CCNC: variants seen among roughly 807,000 people sequenced by gnomAD.
CCNC encodes the protein cyclin C, also known as cyclin-C.
CCNC carries 19 observed loss-of-function variants against 50.0 expected under a neutral mutation model. That is an observed-to-expected ratio of 0.38 (90% CI 0.27 to 0.56). CCNC has a LOEUF of 0.56. Ranked by LOEUF, CCNC falls within the 20% of genes least tolerant of loss-of-function variation. CCNC has a pLI of 0.72. For missense variants in CCNC, 200 were observed against 327.1 expected, an observed-to-expected ratio of 0.61 and a Z score of 3.00; for synonymous variants, 93 against 103.7, an observed-to-expected ratio of 0.90 and a Z score of 0.63.
chr6:99,547,920 A>G (rs190511738), intron 9 of CCNC, among the ~76,000 whole-genome samples: 74 of 152,272 alleles, frequency 4.9e-4, no homozygotes, highest in Non-Finnish European at 8.8e-4. Context: ...ATGTACTGGT[A>G]AACAACTACA....
At chr6:99,547,520 G>A (rs934452655) in intron 9 of CCNC, among the ~76,000 whole-genome samples, 15 of 152,060 alleles carry the variant, frequency 9.9e-5, no homozygotes, top group African/African-American at 3.6e-4. Context: ...GAAGAGAATA[G>A]TATGTATATC....
Position 99,567,663 on chromosome 6 carries a change from C to A in CCNC, c.32+833G>T, listed in dbSNP as rs1188436625. 3.3e-5 allele frequency among the ~76,000 whole-genome samples: 5 copies of A among 152,158 alleles called. No individual in the cohort carries two copies. In the South Asian group the frequency reaches 8.3e-4, roughly 25 times the overall value. On this transcript the variant is annotated intron_variant, in intron 1 of 11. Transcript: ENST00000520429. ...TAGCATAAAAAATTATACCAAGATA[C>A]CTTGTCAAATTCTGTTCATCTTTCA...
rs187279427 is a variant in CCNC, at chr6:99,556,956, G to A, written c.346+1541C>T. ...CTTTCATTACTGTCAATAGAACAAAGTGCAGATTCCTTCATTTAGCATCGA... is the reference window on the plus strand; with the variant it reads ...CTTTCATTACTGTCAATAGAACAAAATGCAGATTCCTTCATTTAGCATCGA... On this transcript the variant is annotated intron_variant, in intron 5 of 11. Coordinates refer to ENST00000520429, the MANE Select transcript of CCNC (RefSeq NM_005190.4). Among the ~76,000 whole-genome samples, 346 of 152,328 alleles carry A rather than the reference G, an allele frequency of 2.3e-3. 2 individuals carry two copies. Among genetic ancestry groups the A allele is most frequent in the Admixed American group, 6.7e-3 (102 of 15,298 alleles).
chr6:99,568,488 T>C lies in CCNC; in HGVS notation c.32+8A>G. ...CGGCCCCAGGTGAGAAGACGGAAGA[T>C]CGCTTACTAGTGGGAGCTCTGCCAA... On this transcript the variant is annotated splice_region_variant and intron_variant, in intron 1 of 11. Coordinates refer to ENST00000520429, the MANE Select transcript of CCNC (RefSeq NM_005190.4). The C allele has an allele frequency of 1.2e-6, 2 of 1,612,176 alleles. No individual in the cohort carries two copies. The highest frequency in any genetic ancestry group is 1.7e-6 in the Non-Finnish European group (2 of 1,179,082).
chr6:99,552,415 A>G (rs942696348), intron 5 of CCNC, among the ~76,000 whole-genome samples: 3 of 152,188 alleles, frequency 2.0e-5, no homozygotes, highest in Non-Finnish European at 4.4e-5. Flanking sequence ...GTATTTATCA[A>G]AATATATATT....
intron 11 of CCNC, chr6:99,544,061 CAT>C: frequency 8.0e-7 from 1 of 1,246,380 alleles, no homozygotes; most frequent in Middle Eastern, 2.5e-4. Flanking sequence ...ATAATAAAAT[CAT>C]ATATAAATAC....
chr6:99,553,341 G>T (rs1002444310), intron 5 of CCNC, among the ~76,000 whole-genome samples: 2 of 152,080 alleles, frequency 1.3e-5, no homozygotes, highest in Non-Finnish European at 2.9e-5. Flanking sequence ...AATTATCTCT[G>T]TATATAAAAC....
chr6:99,543,617 A>C lies in CCNC; in HGVS notation c.798-8T>G. On this transcript the variant is annotated splice_region_variant and splice_polypyrimidine_tract_variant and intron_variant, in intron 11 of 11. Coordinates refer to ENST00000520429, the MANE Select transcript of CCNC (RefSeq NM_005190.4). ...GGACCCTGCTCTCCTTCACTGTTCAAATGGGGAAGAAAGAGATTTTATACC... is the reference window on the plus strand; with the variant it reads ...GGACCCTGCTCTCCTTCACTGTTCACATGGGGAAGAAAGAGATTTTATACC... The C allele has an allele frequency of 1.2e-6, 2 of 1,612,926 alleles. No individual in the cohort carries two copies. The highest frequency in any genetic ancestry group is 1.7e-6 in the Non-Finnish European group (2 of 1,179,312).
At chr6:99,568,382 G>T in intron 1 of CCNC, 114 bp downstream of exon 1, 1 of 1,030,790 alleles carries the variant, frequency 9.7e-7, no homozygotes, top group East Asian at 2.6e-5. Flanking sequence ...GGTCTCCCGT[G>T]AGGACCCCGG....
chr6:99,566,398 T>C (rs1769125047), intron 1 of CCNC, among the ~76,000 whole-genome samples: 1 of 152,106 alleles, frequency 6.6e-6, no homozygotes, highest in African/African-American at 2.4e-5. Flanking sequence ...ATTCCATATA[T>C]GGTACTATTA....
Position 99,545,015 on chromosome 6 carries a change from A to C in CCNC, c.797+97T>G, listed in dbSNP as rs1213638691. 7.9e-6 allele frequency: 5 copies of C among 631,496 alleles called. No individual in the cohort carries two copies. In the East Asian group the frequency reaches 1.1e-4, roughly 14 times the overall value. 39.1% of individuals were successfully genotyped at this position (631,496 alleles called of 1,614,324 possible). On this transcript the variant is annotated intron_variant, in intron 11 of 11. Transcript: ENST00000520429. ...AACATGGATCATGAAGTTTTGGAAG[A>C]AATGTTTTAAAAACTACAAAACAAC... is the stretch of plus-strand genomic sequence containing the variant.
chr6:99,546,712 T>A (rs971257340), intron 9 of CCNC, among the ~76,000 whole-genome samples: 3 of 152,200 alleles, frequency 2.0e-5, no homozygotes, highest in African/African-American at 7.2e-5. Flanking sequence ...CATGGTGCAG[T>A]TGCCTTGAGA....
intron 1 of CCNC, among the ~76,000 whole-genome samples, chr6:99,567,659 G>A (rs1769195088): frequency 6.6e-6 from 1 of 152,162 alleles, no homozygotes. Flanking sequence ...ATTATACCAA[G>A]ATACCTTGTC....
rs761953524 is a variant in CCNC, at chr6:99,558,409, T to G, written c.346+88A>C. 38 of 1,550,330 alleles carry G rather than the reference T, an allele frequency of 2.5e-5. No homozygotes were observed. The South Asian group carries it at 4.7e-4, about 19-fold the overall frequency. On this transcript the variant is annotated intron_variant, in intron 5 of 11. Transcript: ENST00000520429. ...TAATAAAGCCAACCAATCTCATATG[T>G]CTCATAAACTAAAAAAAAAAAAATC...
chr6:99,558,599 T>G, intron 4 of CCNC, 51 bp from the exon 5 acceptor site: 1 of 1,506,632 alleles, frequency 6.6e-7, no homozygotes, highest in East Asian at 2.3e-5. Flanking sequence ...TAAGGGTATC[T>G]GAACTCTATT....
chr6:99,543,944 T>C (rs1376034902), intron 11 of CCNC: 13 of 1,241,564 alleles, frequency 1.0e-5, no homozygotes, highest in East Asian at 6.6e-5. Flanking sequence ...TCTAAACAAA[T>C]TTCCTATAAA....
At position 99,568,591 on chromosome 6, in the gene CCNC, A is replaced by T; in HGVS notation, c.-64T>A. The T allele has an allele frequency of 6.3e-7, 1 of 1,586,374 alleles. No individual in the cohort carries two copies. Among genetic ancestry groups the T allele is most frequent in the Non-Finnish European group, 8.6e-7 (1 of 1,167,404 alleles). On this transcript the variant is annotated 5_prime_UTR_variant, in exon 1 of 12. Coordinates refer to ENST00000520429, the MANE Select transcript of CCNC (RefSeq NM_005190.4). ...GGAGCGGCCCGCGGAGCGACCATAG[A>T]CCCAGCCCGTCCGGTAACCGCGCTC...
intron 7 of CCNC, 59 bp downstream of exon 7, chr6:99,550,934 T>C: frequency 1.2e-6 from 1 of 868,096 alleles, no homozygotes; most frequent in Non-Finnish European, 1.7e-6. Context: ...TTTAAATAAT[T>C]TCCAACTTCA....
At chr6:99,564,145 C>A (rs1768996025) in intron 1 of CCNC, among the ~76,000 whole-genome samples, 1 of 152,056 alleles carries the variant, frequency 6.6e-6, no homozygotes, top group Non-Finnish European at 1.5e-5. Context: ...TTAATCCTGG[C>A]CGGGCGCGGT....
Sources: allele counts gnomAD v4.1 joint callset (sites outside exome capture counted in the v4.1 genomes callset), GRCh38; gene constraint gnomAD v4.1.1; transcripts MANE v1.5; gene names NCBI Gene and HGNC (gene_info 2026-07-23, HGNC 2026-07-21).